The following DGKI variants were observed in gnomAD, a reference collection of about 807,000 sequenced individuals.
DGKI encodes the protein diacylglycerol kinase iota.
DGKI carries 55 observed loss-of-function variants against 147.5 expected under a neutral mutation model. The observed-to-expected ratio is 0.37, with a 90% confidence interval of 0.30 to 0.47. The LOEUF (loss-of-function observed/expected upper bound fraction) is 0.47. Among genes scored for constraint, DGKI ranks in the 20% least tolerant of loss-of-function variants. DGKI has a pLI of 1.00. For synonymous variants in DGKI, 469 were observed against 477.1 expected (o/e 0.98, Z 0.22); for missense variants, 1,007 against 1,323.8 (o/e 0.76, Z 3.71).
chr7:137,543,875 T>C (rs951870091), intron 20 of DGKI, among the ~76,000 whole-genome samples: 8 of 152,210 alleles, frequency 5.3e-5, no homozygotes, highest in South Asian at 2.1e-4. Flanking sequence ...CATGTTGTGC[T>C]TAAACTTTTC....
chr7:137,511,901 C>T (rs1392384707), intron 21 of DGKI, among the ~76,000 whole-genome samples: 1 of 152,176 alleles, frequency 6.6e-6, no homozygotes, highest in Non-Finnish European at 1.5e-5. Context: ...TAACCCTTGC[C>T]TCAATTTAGA....
intron 1 of DGKI, among the ~76,000 whole-genome samples, chr7:137,793,525 T>C (rs1159673104): frequency 6.6e-6 from 1 of 152,162 alleles, no homozygotes; most frequent in East Asian, 1.9e-4. Context: ...GGTCTTGAAC[T>C]CCTGACCTCA....
chr7:137,490,493 T>C (rs1260662384), intron 21 of DGKI, among the ~76,000 whole-genome samples: 4 of 152,228 alleles, frequency 2.6e-5, no homozygotes, highest in Admixed American at 2.6e-4. Flanking sequence ...AGCATAGTAC[T>C]ACAAGGATTA....
At chr7:137,560,148 ACAT>A (rs1818369302) in intron 19 of DGKI, among the ~76,000 whole-genome samples, 1 of 152,178 alleles carries the variant, frequency 6.6e-6, no homozygotes. Flanking sequence ...AAGCAAGAAA[ACAT>A]CATCCATAAT....
rs1199404667 is a variant in DGKI, at chr7:137,846,157, T to TCACA, written c.401+304_401+305insTGTG. Among the ~76,000 whole-genome samples the TCACA allele has an allele frequency of 8.7e-5, 12 of 138,510 alleles. No individual in the cohort carries two copies. The highest frequency in any genetic ancestry group is 2.3e-4 in the South Asian group (1 of 4,300). The allele number at this position is 138,510 out of a possible 152,430, so 90.9% of individuals were successfully genotyped here. A position where few individuals can be genotyped will look rare whatever the true frequency, so the allele number is the denominator to read the frequency against. ...CTTTCTCTCTCTCTCTCTCTCTCTCTCTCTCACACACACACACACACACAC... is the reference window on the plus strand; with the variant it reads ...CTTTCTCTCTCTCTCTCTCTCTCTCTCACACTCTCACACACACACACACACACAC... On this transcript the variant is annotated intron_variant, in intron 1 of 32. Transcript: ENST00000614521. This position sits in a 1 kb window ranked among gnomAD's most constrained non-coding sequence, Gnocchi z 4.0.
chr7:137,802,957 T>C (rs1048068988), intron 1 of DGKI, among the ~76,000 whole-genome samples: 1 of 152,152 alleles, frequency 6.6e-6, no homozygotes, highest in Non-Finnish European at 1.5e-5. Flanking sequence ...AAGAAAATTA[T>C]AGTTTAGGAG....
intron 8 of DGKI, among the ~76,000 whole-genome samples, chr7:137,618,151 A>ATATACATTTTTTTTTTTTT: frequency 9.6e-5 from 1 of 10,466 alleles, no homozygotes; most frequent in African/African-American, 1.2e-4. Flanking sequence ...ATATATATAT[A>ATATACATTTTTTTTTTTTT]TTTTTTTTTT....
chr7:137,701,083 C>T (rs1482912982), intron 1 of DGKI, among the ~76,000 whole-genome samples: 1 of 151,908 alleles, frequency 6.6e-6, no homozygotes, highest in African/African-American at 2.4e-5. Context: ...CTTTTAATTT[C>T]CCCTACCTCA....
chr7:137,826,263 C>T (rs1417133674), intron 1 of DGKI, among the ~76,000 whole-genome samples: 1 of 152,158 alleles, frequency 6.6e-6, no homozygotes, highest in African/African-American at 2.4e-5. Context: ...AAATGCAGAG[C>T]GTGAGCCAGC....
chr7:137,622,567 T>C (rs1183818050), intron 7 of DGKI, among the ~76,000 whole-genome samples: 1 of 152,182 alleles, frequency 6.6e-6, no homozygotes, highest in Non-Finnish European at 1.5e-5. Context: ...ATCCTTGCCA[T>C]TGTAGCATGA....
intron 2 of DGKI, among the ~76,000 whole-genome samples, chr7:137,679,244 C>T (rs910401126): frequency 2.0e-5 from 3 of 152,094 alleles, no homozygotes; most frequent in South Asian, 2.1e-4. Flanking sequence ...AGGTCTTCAC[C>T]CAATTACTTC....
chr7:137,551,872 C>T (rs1193000520), intron 20 of DGKI, among the ~76,000 whole-genome samples: 1 of 152,042 alleles, frequency 6.6e-6, no homozygotes, highest in African/African-American at 2.4e-5. Context: ...AAAATGGGAA[C>T]ATCAGGAAGG....
chr7:137,665,861 T>C (rs912884869), intron 3 of DGKI, among the ~76,000 whole-genome samples: 1 of 152,192 alleles, frequency 6.6e-6, no homozygotes, highest in Non-Finnish European at 1.5e-5. Context: ...AAAAAAAGAC[T>C]GTGAGCTGAA....
At chr7:137,407,271 C>T (rs987033478) in intron 30 of DGKI, among the ~76,000 whole-genome samples, 4 of 152,120 alleles carry the variant, frequency 2.6e-5, no homozygotes, top group Admixed American at 2.0e-4. Context: ...GATGCTATAG[C>T]GCATGCTACT....
chr7:137,837,772 T>C (rs1193087412), intron 1 of DGKI, among the ~76,000 whole-genome samples: 1 of 152,128 alleles, frequency 6.6e-6, no homozygotes, highest in Non-Finnish European at 1.5e-5. Context: ...ATGTCTGTTG[T>C]TTAGAAGCCG....
rs970413761 is a variant in DGKI at position 137,846,776 on chromosome 7, G to C, written c.87C>G (p.Ala29=). 3.7e-6 allele frequency: 4 copies of C among 1,069,966 alleles called. No homozygotes were observed. The African/African-American group carries it at 6.8e-5, about 18-fold the overall frequency. The allele number at this position is 1,069,966 out of a possible 1,614,324, so 66.3% of individuals were successfully genotyped here. Residue 29 remains alanine (A), a synonymous_variant, in exon 1 of 33, where the codon GCC becomes GCG. Transcript: ENST00000614521. The surrounding 1 kb of genome is among the most constrained non-coding windows in gnomAD (Gnocchi z 4.0). The stretch of plus-strand genomic sequence containing the variant: ...TGCAGGGGCCGGGCGGGCTGGCGGC[G>C]GCGGCGGCGGCGGCTGCAGGAGCGC... The part of the protein sequence containing the change: ...PARAPAAAAA[A]AASPPGPCSG...
intron 32 of DGKI, among the ~76,000 whole-genome samples, chr7:137,391,826 T>TA (rs780443144): frequency 1.3e-5 from 2 of 152,120 alleles, no homozygotes; most frequent in Non-Finnish European, 2.9e-5. Flanking sequence ...GGGATAGTCA[T>TA]AAAAAAATTG....
At position 137,836,295 on chromosome 7, in the gene DGKI, A is replaced by G. The variant is rs550781465; in HGVS notation, c.401+10167T>C. Among the ~76,000 whole-genome samples the G allele has an allele frequency of 2.2e-4, 33 of 152,330 alleles. No homozygotes were observed. The South Asian group carries it at 6.4e-3, about 30-fold the overall frequency. On this transcript the variant is annotated intron_variant, in intron 1 of 32. Transcript: ENST00000614521. ...TTCTTCAAATGAGAAAGAATGACTC[A>G]GGTTTTCAAAATGTTCCTTTGGAAC... is the stretch of plus-strand genomic sequence containing the variant.
chr7:137,494,355 C>G (rs1447275592), intron 21 of DGKI, among the ~76,000 whole-genome samples: 2 of 151,926 alleles, frequency 1.3e-5, no homozygotes, highest in Admixed American at 1.3e-4. Context: ...AGATCATCAC[C>G]AAGACACACA....
Sources: allele counts gnomAD v4.1 joint callset (sites outside exome capture counted in the v4.1 genomes callset), GRCh38; gene constraint gnomAD v4.1.1; non-coding constraint Gnocchi (gnomAD v3.1); transcripts MANE v1.5; gene names NCBI Gene and HGNC (gene_info 2026-07-23, HGNC 2026-07-21).